CTBP2: variants seen among roughly 807,000 people sequenced by gnomAD.
CTBP2 encodes the protein C-terminal binding protein 2.
Under a neutral mutation model 80.3 loss-of-function variants are expected in CTBP2, and 30 were observed. That is an observed-to-expected ratio of 0.37 (90% CI 0.28 to 0.51). The LOEUF is 0.51. CTBP2 is among the 20% of genes least tolerant of loss of function. The pLI is 0.93. For missense variants in CTBP2, 1,212 were observed against 1,375.3 expected (o/e 0.88, Z 1.88); for synonymous variants, 594 against 587.4 (o/e 1.01, Z -0.16).
chr10:125,002,474 G>T (rs1355598620), intron 3 of CTBP2, among the ~76,000 whole-genome samples: 1 of 152,242 alleles, frequency 6.6e-6, no homozygotes, highest in East Asian at 1.9e-4. Flanking sequence ...CTGCTTTGGT[G>T]CTGACCTGGA....
At chr10:125,115,154 T>C (rs898244435) in intron 1 of CTBP2, among the ~76,000 whole-genome samples, 15 of 149,896 alleles carry the variant, frequency 1.0e-4, no homozygotes, top group African/African-American at 3.0e-4. Context: ...AGAGCAGAAC[T>C]TCAGCTCAGC....
intron 1 of CTBP2, among the ~76,000 whole-genome samples, chr10:125,138,495 T>C (rs1857299004): frequency 6.6e-6 from 1 of 152,032 alleles, no homozygotes; most frequent in African/African-American, 2.4e-5. Context: ...ATGGACAGTC[T>C]CACGCTGAGG....
intron 1 of CTBP2, among the ~76,000 whole-genome samples, chr10:125,152,001 G>A (rs2133419975): frequency 6.6e-6 from 1 of 152,268 alleles, no homozygotes; most frequent in East Asian, 1.9e-4. Flanking sequence ...GTGTAAAGGC[G>A]AGGCGCGAGG....
intron 2 of CTBP2, among the ~76,000 whole-genome samples, chr10:125,063,070 C>G (rs1217933289): frequency 6.6e-6 from 1 of 152,206 alleles, no homozygotes; most frequent in Admixed American, 6.5e-5. Flanking sequence ...CGAGGCAGGG[C>G]CCTGGGCAGC....
At position 125,072,786 on chromosome 10, in the gene CTBP2, G is replaced by A. The variant is rs375527158; in HGVS notation, c.-101-33631C>T. ...CCCAAGTAACTGCCTGCAGGTCCCT[G>A]GAGCACACACAGGATCTTGTAGCAG... On this transcript the variant is annotated intron_variant, in intron 2 of 10. Coordinates refer to the CTBP2 transcript ENST00000337195. 2.0e-5 allele frequency among the ~76,000 whole-genome samples: 3 copies of A among 152,224 alleles called. No individual in the cohort carries two copies. In the East Asian group the frequency reaches 5.8e-4, roughly 29 times the overall value.
chr10:125,152,444 G>A (rs1482006592), intron 1 of CTBP2, among the ~76,000 whole-genome samples: 1 of 152,198 alleles, frequency 6.6e-6, no homozygotes, highest in Non-Finnish European at 1.5e-5. Context: ...GGTTCCAGGC[G>A]CCCCAGGCCC....
At chr10:125,139,209 TAA>T (rs1857408610) in intron 1 of CTBP2, among the ~76,000 whole-genome samples, 1 of 151,766 alleles carries the variant, frequency 6.6e-6, no homozygotes. Context: ...CTGTCTCTAC[TAA>T]AATACAAAAT....
chr10:124,993,793 T>TG, intron 6 of CTBP2, 62 bp downstream of exon 8: 1 of 1,549,518 alleles, frequency 6.5e-7, no homozygotes, highest in Non-Finnish European at 8.7e-7. Flanking sequence ...GTTCAAAGTG[T>TG]GGGGGTCAGG....
rs182559885 is a variant in CTBP2 at position 125,158,547 on chromosome 10, A to G, written c.-206+1772T>C. On this transcript the variant is annotated intron_variant, in intron 1 of 10. Coordinates refer to the CTBP2 transcript ENST00000337195. ...ATAGAATTCTCTTGTCTATCCTTCC[A>G]GCCACTCGCATCAGACTCTCTAAGA... The G allele has an allele frequency of 2.5e-3, 376 of 152,332 alleles. 1 individual carries two copies. The highest frequency in any genetic ancestry group is 4.1e-3 in the Non-Finnish European group (278 of 68,032). The allele number at this position is 152,332 out of a possible 1,614,324, so 9.4% of individuals were successfully genotyped here. A position where few individuals can be genotyped will look rare whatever the true frequency, so the allele number is the denominator to read the frequency against.
chr10:125,037,946 C>G (rs530814191), intron 3 of CTBP2, among the ~76,000 whole-genome samples: 1 of 152,312 alleles, frequency 6.6e-6, no homozygotes, highest in South Asian at 2.1e-4. Context: ...TATTGGTGTT[C>G]ACTGTACCAT....
chr10:124,992,819 T>C lies in CTBP2; in HGVS notation c.2660-7A>G. 6.3e-7 allele frequency: 1 copy of C among 1,590,456 alleles called. No individual in the cohort carries two copies. Among genetic ancestry groups the C allele is most frequent in the South Asian group, 1.1e-5 (1 of 89,082 alleles). ...AAGCTTTCTGGGATGCGACCTAGGG[T>C]AAGATGATTAAAATTAATCATATTA... On this transcript the variant is annotated splice_region_variant and splice_polypyrimidine_tract_variant and intron_variant, in intron 7 of 8. Transcript: ENST00000309035.
intron 3 of CTBP2, among the ~76,000 whole-genome samples, chr10:125,037,143 G>A (rs1484957559): frequency 2.0e-5 from 3 of 152,182 alleles, no homozygotes. Flanking sequence ...TAAAAAATTG[G>A]CTGAAAATTT....
intron 1 of CTBP2, among the ~76,000 whole-genome samples, chr10:125,156,234 C>A (rs1244882315): frequency 6.6e-6 from 1 of 152,150 alleles, no homozygotes; most frequent in African/African-American, 2.4e-5. Flanking sequence ...TATTTGTGGC[C>A]TGATTCAGGG....
intron 1 of CTBP2, among the ~76,000 whole-genome samples, chr10:125,135,030 G>C (rs1055023250): frequency 1.3e-5 from 2 of 152,102 alleles, no homozygotes; most frequent in African/African-American, 4.8e-5. Context: ...CATAGGCAGC[G>C]GCAAGGCTAC....
chr10:125,013,549 C>T (rs1456172243), intron 1 of CTBP2, among the ~76,000 whole-genome samples: 1 of 152,178 alleles, frequency 6.6e-6, no homozygotes, highest in African/African-American at 2.4e-5. Context: ...AAACAGTTAG[C>T]TCCTTATACC....
intron 1 of CTBP2, among the ~76,000 whole-genome samples, chr10:125,151,412 C>G (rs918993020): frequency 2.0e-4 from 31 of 152,166 alleles, no homozygotes; most frequent in African/African-American, 7.2e-4. Context: ...GTGGCCCTCG[C>G]TGTTTCCCAC....
chr10:125,097,140 T>C (rs565759946), intron 2 of CTBP2, among the ~76,000 whole-genome samples: 1 of 152,314 alleles, frequency 6.6e-6, no homozygotes, highest in African/African-American at 2.4e-5. Context: ...TTTAATGAGA[T>C]AGTAGTGGAT....
intron 2 of CTBP2, among the ~76,000 whole-genome samples, chr10:125,090,285 CAAAAAAAA>C (rs56714830): frequency 1.5e-5 from 1 of 65,402 alleles, no homozygotes; most frequent in Non-Finnish European, 2.7e-5. Flanking sequence ...GTCCCTGGCT[CAAAAAAAA>C]AAAAAAAAAG....
intron 2 of CTBP2, among the ~76,000 whole-genome samples, chr10:125,054,213 T>C (rs1012994072): frequency 2.6e-5 from 4 of 152,174 alleles, no homozygotes; most frequent in Non-Finnish European, 5.9e-5. Context: ...CCCCAACCTT[T>C]TGGAATTCAT....
Sources: gnomAD v4.1 joint callset for allele counts (sites outside exome capture counted in the v4.1 genomes callset) on GRCh38, gnomAD v4.1.1 for gene constraint, MANE v1.5 for transcripts, NCBI Gene and HGNC (gene_info 2026-07-23, HGNC 2026-07-21) for gene names.